The following BIRC2 variants were observed in gnomAD, a reference collection of about 807,000 sequenced individuals.
BIRC2 encodes the protein baculoviral IAP repeat-containing protein 2.
Under a neutral mutation model 60.9 loss-of-function variants are expected in BIRC2, and 18 were observed. The ratio of observed to expected loss-of-function variants is 0.30; its 90% CI spans 0.20 to 0.44. The LOEUF (loss-of-function observed/expected upper bound fraction) is 0.44. Among genes scored for constraint, BIRC2 ranks in the 20% least tolerant of loss-of-function variants. BIRC2 has a pLI of 1.00. For missense variants in BIRC2, 701 were observed against 728.5 expected, an observed-to-expected ratio of 0.96 and a Z score of 0.43; for synonymous variants, 282 against 247.7, an observed-to-expected ratio of 1.14 and a Z score of -1.30.
chr11:102,366,177 G>T (rs1311060230), intron 5 of BIRC2, among the ~76,000 whole-genome samples: 1 of 152,106 alleles, frequency 6.6e-6, no homozygotes, highest in Non-Finnish European at 1.5e-5. Context: ...TCATCCCTCA[G>T]ATTTGTTCCT....
At chr11:102,369,489 C>T (rs1438573735) in intron 6 of BIRC2, among the ~76,000 whole-genome samples, 8 of 150,998 alleles carry the variant, frequency 5.3e-5, no homozygotes, top group East Asian at 1.9e-4. Flanking sequence ...ACAAAGGACA[C>T]GAACTCATCA....
Position 102,350,766 on chromosome 11 carries a change from T to A in BIRC2, c.895+17T>A. On this transcript the variant is annotated intron_variant, in intron 2 of 8. Coordinates refer to ENST00000227758, the MANE Select transcript of BIRC2 (RefSeq NM_001166.5). ...ATTATGTGGGTAAGAAGCAAATAAC[T>A]ATACATTTTATCATTTTATTTTAAT... 3 of 1,603,502 alleles carry A rather than the reference T, an allele frequency of 1.9e-6. No individual in the cohort carries two copies. The highest frequency in any genetic ancestry group is 2.6e-6 in the Non-Finnish European group (3 of 1,175,902).
chr11:102,349,937 T>G lies in BIRC2; in HGVS notation c.83T>G (p.Leu28Trp), dbSNP rs750592727. 1 of 1,614,204 alleles carries G rather than the reference T, an allele frequency of 6.2e-7. No individual in the cohort carries two copies. Among genetic ancestry groups the G allele is most frequent in the East Asian group, 2.2e-5 (1 of 44,888 alleles). Residue 28 changes from leucine to tryptophan, a missense_variant, in exon 2 of 9, where the codon TTG (leucine) becomes TGG (tryptophan). Leu to Trp is a moderately conservative substitution (Grantham distance 61). This residue lies in a region of BIRC2 where 375 missense variants were observed against 365.9 expected (regional missense o/e 1.02). Transcript: ENST00000227758. ...AGTATAATGGAAGATAGCACGATCT[T>G]GTCAGATTGGACAAACAGCAACAAA... Reference protein sequence around the residue: ...IKSIMEDSTILSDWTNSNKQK... With the variant: ...IKSIMEDSTIWSDWTNSNKQK...
chr11:102,378,149 T>TA lies in BIRC2; in HGVS notation c.1825dup (p.Ile609AsnfsTer32), dbSNP rs1013002064. ...AGAAAATGCCCTATTTGCAGGGGTA[T>TA]AATCAAGGGTACTGTTCGTACATTT... On this transcript the variant is annotated frameshift_variant, in exon 9 of 9. Transcript: ENST00000227758. LOFTEE classifies it high-confidence loss of function. 1 of 1,611,386 alleles carries TA rather than the reference T, an allele frequency of 6.2e-7. No individual in the cohort carries two copies.
intron 3 of BIRC2, 40 bp from the exon 4 acceptor site, chr11:102,362,856 T>C (rs909020364): frequency 2.0e-6 from 3 of 1,477,018 alleles, no homozygotes; most frequent in South Asian, 2.3e-5. Flanking sequence ...ATATTTGATA[T>C]GAAACAATTT....
chr11:102,349,963 C>G lies in BIRC2; in HGVS notation c.109C>G (p.Gln37Glu), dbSNP rs369289038. Residue 37 changes from glutamine to glutamate, a missense_variant, in exon 2 of 9, where the codon CAA (glutamine) becomes GAA (glutamate). By Grantham distance (29) the Gln-to-Glu change is conservative. This residue lies in a region of BIRC2 where 375 missense variants were observed against 365.9 expected (regional missense o/e 1.02). Coordinates refer to ENST00000227758, the MANE Select transcript of BIRC2 (RefSeq NM_001166.5). ...ILSDWTNSNK[Q>E]KMKYDFSCEL... Reference sequence around the variant, plus strand: ...GTCAGATTGGACAAACAGCAACAAACAAAAAATGAAGTATGACTTTTCCTG... The same window carrying G: ...GTCAGATTGGACAAACAGCAACAAAGAAAAAATGAAGTATGACTTTTCCTG... 2.5e-6 allele frequency: 4 copies of G among 1,614,080 alleles called. No homozygotes were observed. Among genetic ancestry groups the G allele is most frequent in the Non-Finnish European group, 2.5e-6 (3 of 1,179,986 alleles).
rs1312626101 is a variant in BIRC2, at chr11:102,350,137, C to T, written c.283C>T (p.Leu95=). ...TGGCCTGATGCTGGATAACTGGAAA[C>T]TAGGAGACAGTCCTATTCAAAAGCA... ...CCGLMLDNWK[L]GDSPIQKHKQ... is the part of the protein sequence containing the mutation. The change falls in exon 2 of 9, where the codon CTA becomes TTA. Residue 95 remains leucine, a synonymous_variant. Coordinates refer to ENST00000227758, the MANE Select transcript of BIRC2 (RefSeq NM_001166.5). 1.2e-6 allele frequency: 2 copies of T among 1,614,202 alleles called. No homozygotes were observed. Among genetic ancestry groups the T allele is most frequent in the East Asian group, 2.2e-5 (1 of 44,882 alleles).
At position 102,377,554 on chromosome 11, in the gene BIRC2, G is replaced by C. The variant is rs1818286384; in HGVS notation, c.1425G>C (p.Val475=). The change falls in exon 7 of 9, where the codon GTG becomes GTC. Residue 475 remains valine, a synonymous_variant. Transcript: ENST00000227758. ...CTCTCTTTCAACAATTGACATGTGTGCTTCCTATCCTGGATAATCTTTTAA... is the reference window on the plus strand; with the variant it reads ...CTCTCTTTCAACAATTGACATGTGTCCTTCCTATCCTGGATAATCTTTTAA... ...RMALFQQLTC[V]LPILDNLLKA... 3 of 1,608,974 alleles carry C rather than the reference G, an allele frequency of 1.9e-6. No homozygotes were observed. Among genetic ancestry groups the C allele is most frequent in the Non-Finnish European group, 2.5e-6 (3 of 1,178,366 alleles).
Position 102,350,335 on chromosome 11 carries a change from C to G in BIRC2, c.481C>G (p.Leu161Val). 1.2e-6 allele frequency: 2 copies of G among 1,614,238 alleles called. No individual in the cohort carries two copies. Among genetic ancestry groups the G allele is most frequent in the Non-Finnish European group, 1.7e-6 (2 of 1,180,040 alleles). Residue 161 changes from leucine to valine, a missense_variant, in exon 2 of 9, where the codon CTT becomes GTT. Physicochemically the swap from Leu to Val is conservative, Grantham distance 32 (BLOSUM62 1). Around this residue, in one of 4 missense-constraint regions of BIRC2, gnomAD observed 375 missense variants for 365.9 expected, o/e 1.02. Transcript: ENST00000227758. ...TTACTCCAGCCTTTCTCCAAACCCTCTTAATTCTAGAGCAGTTGAAGACAT... is the reference window on the plus strand; with the variant it reads ...TTACTCCAGCCTTTCTCCAAACCCTGTTAATTCTAGAGCAGTTGAAGACAT... Reference protein sequence around the residue: ...GSYSSLSPNPLNSRAVEDISS... With the variant: ...GSYSSLSPNPVNSRAVEDISS...
chr11:102,351,058 G>C, intron 3 of BIRC2, 115 bp downstream of exon 3: 1 of 904,618 alleles, frequency 1.1e-6, no homozygotes, highest in Non-Finnish European at 1.7e-6. Context: ...TATGCCATTG[G>C]GGAATTATCC....
intron 3 of BIRC2, 116 bp from the exon 4 acceptor site, chr11:102,362,780 G>A (rs558964116): frequency 5.9e-5 from 42 of 713,436 alleles, no homozygotes; most frequent in East Asian, 3.3e-4. Context: ...GGGTTGTGAC[G>A]TAAAATGTTT....
chr11:102,374,738 G>C (rs571085393), intron 6 of BIRC2, among the ~76,000 whole-genome samples: 1 of 152,212 alleles, frequency 6.6e-6, no homozygotes, highest in Admixed American at 6.5e-5. Context: ...AATCAAGCCT[G>C]GGCAATGGCG....
intron 3 of BIRC2, among the ~76,000 whole-genome samples, chr11:102,360,860 G>A (rs1042742002): frequency 6.6e-6 from 1 of 151,802 alleles, no homozygotes; most frequent in African/African-American, 2.4e-5. Flanking sequence ...AGGTGTGGTG[G>A]TTCTGGCTCT....
At position 102,350,564 on chromosome 11, in the gene BIRC2, T is replaced by C; in HGVS notation, c.710T>C (p.Met237Thr). ...LSNWEPKDDA[M>T]SEHRRHFPNC... ...AACTGGGAACCAAAGGATGATGCTA[T>C]GTCAGAACACCGGAGGCATTTTCCC... Residue 237 changes from methionine to threonine, a missense_variant, in exon 2 of 9, where the codon ATG (methionine) becomes ACG (threonine). Physicochemically the swap from Met to Thr is moderately conservative, Grantham distance 81. This residue lies in a region of BIRC2 where 375 missense variants were observed against 365.9 expected (regional missense o/e 1.02). Transcript: ENST00000227758. 6.2e-7 allele frequency: 1 copy of C among 1,614,230 alleles called. No homozygotes were observed. The highest frequency in any genetic ancestry group is 1.1e-5 in the South Asian group (1 of 91,088).
intron 6 of BIRC2, among the ~76,000 whole-genome samples, chr11:102,372,764 G>C (rs1225737631): frequency 3.2e-5 from 4 of 125,668 alleles, no homozygotes; most frequent in Admixed American, 1.7e-4. Flanking sequence ...GTTGACAGTG[G>C]GGTGTTAAAG....
chr11:102,363,047 A>C, intron 4 of BIRC2, 73 bp downstream of exon 4: 2 of 1,173,512 alleles, frequency 1.7e-6, no homozygotes, highest in Non-Finnish European at 2.4e-6. Context: ...GGTTGGTATA[A>C]AAGTGATCAT....
At chr11:102,354,509 C>T (rs868227737) in intron 3 of BIRC2, among the ~76,000 whole-genome samples, 2 of 152,178 alleles carry the variant, frequency 1.3e-5, no homozygotes, top group Admixed American at 6.5e-5. Context: ...GCTCATCCCC[C>T]ATTCATCCCT....
At chr11:102,352,577 A>AT (rs1565331629) in intron 3 of BIRC2, among the ~76,000 whole-genome samples, 1 of 151,922 alleles carries the variant, frequency 6.6e-6, no homozygotes, top group East Asian at 1.9e-4. Context: ...TGCCTGGTTA[A>AT]TTTTTTTGTA....
chr11:102,349,932 G>T lies in BIRC2; in HGVS notation c.78G>T (p.Thr26=), dbSNP rs548310302. ...QNIKSIMEDS[T]ILSDWTNSNK... is the part of the protein sequence containing the mutation. ...TTAAGAGTATAATGGAAGATAGCAC[G>T]ATCTTGTCAGATTGGACAAACAGCA... Residue 26 remains threonine (T), a synonymous_variant, in exon 2 of 9, where the codon ACG becomes ACT. Transcript: ENST00000227758. 2.1e-5 allele frequency: 34 copies of T among 1,614,164 alleles called. No homozygotes were observed. Among genetic ancestry groups the T allele is most frequent in the Non-Finnish European group, 2.6e-5 (31 of 1,180,028 alleles).
Sources: allele counts gnomAD v4.1 joint callset (sites outside exome capture counted in the v4.1 genomes callset), GRCh38; gene constraint gnomAD v4.1.1; regional missense constraint gnomAD v4.1.1; transcripts MANE v1.5; gene names NCBI Gene and HGNC (gene_info 2026-07-23, HGNC 2026-07-21).